Variants in PCDHGA3 observed in about 807,000 individuals in gnomAD.
PCDHGA3 encodes protocadherin gamma subfamily A, 3.
A neutral mutation model predicts 58.5 loss-of-function variants in PCDHGA3; 40 were observed. The observed-to-expected ratio is 0.68, with a 90% confidence interval of 0.53 to 0.89. PCDHGA3 has a LOEUF of 0.89. PCDHGA3 is among the 40% of genes least tolerant of loss of function. The pLI, the probability that PCDHGA3 is intolerant of heterozygous loss-of-function variation, is 0.00. For missense variants in PCDHGA3, 1,223 were observed against 1,195.9 expected (o/e 1.02, Z -0.33); for synonymous variants, 530 against 525.7 (o/e 1.01, Z -0.11).
chr5:141,351,017 C>A, intron 1 of PCDHGA3: 1 of 1,614,048 alleles, frequency 6.2e-7, no homozygotes, highest in East Asian at 2.2e-5. Context: ...AGAAAACGTA[C>A]CGTGGGGAAC....
At position 141,413,701 on chromosome 5, in the gene PCDHGA3, C is replaced by T. The variant is rs764950275; in HGVS notation, c.2424+67244C>T. 1.1e-4 allele frequency: 177 copies of T among 1,613,654 alleles called. No individual in the cohort carries two copies. The Admixed American group carries it at 2.9e-3, about 27-fold the overall frequency. On this transcript the variant is annotated intron_variant, in intron 1 of 3. Coordinates refer to ENST00000253812, the MANE Select transcript of PCDHGA3 (RefSeq NM_018916.4). ...CGTGAACTCCCTGCAGAGCTATCAG[C>T]TCAGCCCCAATAAGCACTTCTCCCT...
At position 141,410,301 on chromosome 5, in the gene PCDHGA3, C is replaced by A. The variant is rs1294760427; in HGVS notation, c.2424+63844C>A. ...CTGGTGGTGGCCTTGGCCTTAATCT[C>A]AGTGCTCTTCCTCCTCGCCGTGATT... On this transcript the variant is annotated intron_variant, in intron 1 of 3. Transcript: ENST00000253812. 2.5e-6 allele frequency: 4 copies of A among 1,614,030 alleles called. No individual in the cohort carries two copies. In the Admixed American group the frequency reaches 6.7e-5, roughly 27 times the overall value.
chr5:141,389,607 A>G, intron 1 of PCDHGA3: 1 of 1,613,070 alleles, frequency 6.2e-7, no homozygotes, highest in Non-Finnish European at 8.5e-7. Context: ...GCTCTTCGAT[A>G]TGGTGCCGCA....
chr5:141,421,019 C>T, intron 1 of PCDHGA3: 1 of 516,402 alleles, frequency 1.9e-6, no homozygotes, highest in Non-Finnish European at 3.4e-6. Flanking sequence ...TGGGAAGCTG[C>T]GCGCCATTGA....
intron 1 of PCDHGA3, chr5:141,415,561 T>C (rs11575963): frequency 0.067 from 108,836 of 1,614,090 alleles, 4,260 homozygotes; most frequent in Non-Finnish European, 0.077. Context: ...CGATCCTTTG[T>C]CTTTGTTAGA....
chr5:141,403,986 C>A (rs367739607), intron 1 of PCDHGA3: 12 of 1,613,586 alleles, frequency 7.4e-6, no homozygotes, highest in Admixed American at 1.7e-5. Flanking sequence ...GACAATAGAC[C>A]TGAAGTGACC....
At chr5:141,478,725 A>C (rs2099473537) in intron 1 of PCDHGA3, 1 of 1,542,096 alleles carries the variant, frequency 6.5e-7, no homozygotes. Flanking sequence ...GGCCTGCCAG[A>C]GTGTGGTTTG....
intron 1 of PCDHGA3, chr5:141,404,860 T>C (rs3749769): frequency 0.09 from 144,859 of 1,613,622 alleles, 7,500 homozygotes; most frequent in African/African-American, 0.18. Context: ...TAGATAGAGA[T>C]GCGCTCAAAC....
chr5:141,495,199 G>A (rs1205495643), intron 2 of PCDHGA3, among the ~76,000 whole-genome samples: 1 of 152,164 alleles, frequency 6.6e-6, no homozygotes, highest in African/African-American at 2.4e-5. Context: ...CCCATGTACT[G>A]CCTAACCCCC....
intron 1 of PCDHGA3, among the ~76,000 whole-genome samples, chr5:141,382,409 G>A (rs1360537214): frequency 6.6e-6 from 1 of 152,188 alleles, no homozygotes; most frequent in Non-Finnish European, 1.5e-5. Context: ...GCAATAACGT[G>A]TGAGTCAGTG....
chr5:141,472,979 T>TAAAA (rs2099307936), intron 1 of PCDHGA3, among the ~76,000 whole-genome samples: 1 of 21,094 alleles, frequency 4.7e-5, no homozygotes, highest in Non-Finnish European at 9.8e-5. Context: ...AGAGTGAAAC[T>TAAAA]CAAAAAAAAA....
chr5:141,441,905 C>G, intron 1 of PCDHGA3: 1 of 348,464 alleles, frequency 2.9e-6, no homozygotes, highest in Non-Finnish European at 5.5e-6. Flanking sequence ...GCTGTAGACG[C>G]AGATGTGAGA....
intron 1 of PCDHGA3, among the ~76,000 whole-genome samples, chr5:141,447,631 A>G (rs59518107): frequency 0.11 from 16,809 of 152,214 alleles, 1,093 homozygotes; most frequent in African/African-American, 0.17. Flanking sequence ...AACCAACAGT[A>G]TGAATGATGG....
chr5:141,409,022 A>G (rs1258261622), intron 1 of PCDHGA3: 1 of 1,614,046 alleles, frequency 6.2e-7, no homozygotes, highest in Non-Finnish European at 8.5e-7. Flanking sequence ...TGAGGGGGTC[A>G]ATGCTGAGAT....
At chr5:141,433,273 A>T in intron 1 of PCDHGA3, 1 of 1,258,988 alleles carries the variant, frequency 7.9e-7, no homozygotes. Flanking sequence ...AGCTCACTGC[A>T]GCCTCAAACT....
At chr5:141,389,944 A>T in intron 1 of PCDHGA3, 1 of 1,613,974 alleles carries the variant, frequency 6.2e-7, no homozygotes, top group East Asian at 2.2e-5. Context: ...GCTGAGCTGC[A>T]GTTTTACCTA....
intron 1 of PCDHGA3, among the ~76,000 whole-genome samples, chr5:141,467,590 A>T (rs2099146863): frequency 6.6e-6 from 1 of 152,214 alleles, no homozygotes; most frequent in African/African-American, 2.4e-5. Context: ...AATGCCATTT[A>T]TTAAGCACTT....
At chr5:141,371,785 A>G (rs1332853019) in intron 1 of PCDHGA3, 1 of 1,613,964 alleles carries the variant, frequency 6.2e-7, no homozygotes, top group Admixed American at 1.7e-5. Flanking sequence ...GTAGCTGAGA[A>G]CAATCCGCCT....
chr5:141,353,378 T>G (rs1759264179), intron 1 of PCDHGA3, among the ~76,000 whole-genome samples: 2 of 152,228 alleles, frequency 1.3e-5, no homozygotes, highest in Admixed American at 1.3e-4. Context: ...AATTATGTAT[T>G]AATGTAATTA....
Sources: gnomAD v4.1 joint callset for allele counts (sites outside exome capture counted in the v4.1 genomes callset) on GRCh38, gnomAD v4.1.1 for gene constraint, MANE v1.5 for transcripts, NCBI Gene and HGNC (gene_info 2026-07-23, HGNC 2026-07-21) for gene names.